ZBTB20: variants seen among roughly 807,000 people sequenced by gnomAD.
ZBTB20 encodes zinc finger and BTB domain-containing protein 20.
ZBTB20 carries 9 observed loss-of-function variants against 56.9 expected under a neutral mutation model. The ratio of observed to expected loss-of-function variants is 0.16; its 90% CI spans 0.10 to 0.28. The LOEUF is 0.28. Ranked by LOEUF, ZBTB20 falls within the 10% of genes least tolerant of loss-of-function variation. The pLI, the probability that ZBTB20 is intolerant of heterozygous loss-of-function variation, is 1.00. For missense variants in ZBTB20, 655 were observed against 1,003.0 expected, an observed-to-expected ratio of 0.65 and a Z score of 4.69; for synonymous variants, 417 against 420.7, an observed-to-expected ratio of 0.99 and a Z score of 0.11.
At chr3:114,589,178 T>C (rs1225952836) in intron 6 of ZBTB20, among the ~76,000 whole-genome samples, 1 of 152,194 alleles carries the variant, frequency 6.6e-6, no homozygotes, top group African/African-American at 2.4e-5. Context: ...ATAATCTATC[T>C]TTCTAAAATC....
intron 2 of ZBTB20, among the ~76,000 whole-genome samples, chr3:115,050,209 T>C (rs1177420193): frequency 6.6e-6 from 1 of 152,062 alleles, no homozygotes; most frequent in East Asian, 1.9e-4. Context: ...ACGAATTTTA[T>C]AAATGTATGT....
chr3:114,441,849 T>A (rs530447080), intron 7 of ZBTB20, among the ~76,000 whole-genome samples: 2 of 152,072 alleles, frequency 1.3e-5, no homozygotes, highest in Non-Finnish European at 2.9e-5. Flanking sequence ...TGTAACTCCC[T>A]TTCCCCTAAC....
At chr3:115,110,525 T>C (rs2083846969) in intron 1 of ZBTB20, among the ~76,000 whole-genome samples, 1 of 152,238 alleles carries the variant, frequency 6.6e-6, no homozygotes, top group Non-Finnish European at 1.5e-5. Context: ...CTTTACAGTA[T>C]ATACATTCAG....
chr3:115,084,964 G>A (rs2082932038), intron 1 of ZBTB20, among the ~76,000 whole-genome samples: 2 of 151,920 alleles, frequency 1.3e-5, no homozygotes, highest in African/African-American at 4.8e-5. Flanking sequence ...ACGCTTTCCT[G>A]TTTTGTTTTG....
chr3:114,477,983 T>C (rs576167693), intron 7 of ZBTB20, among the ~76,000 whole-genome samples: 64 of 136,776 alleles, frequency 4.7e-4, no homozygotes, highest in African/African-American at 4.2e-4. Flanking sequence ...CTCTCTCTCT[T>C]TCTTTCTTTT....
chr3:114,667,258 G>A (rs1313217781), intron 6 of ZBTB20, among the ~76,000 whole-genome samples: 1 of 151,948 alleles, frequency 6.6e-6, no homozygotes, highest in Non-Finnish European at 1.5e-5. Flanking sequence ...ATGATAAACA[G>A]AGCACATCTG....
At chr3:114,990,895 A>T (rs182234029) in intron 2 of ZBTB20, among the ~76,000 whole-genome samples, 2 of 152,154 alleles carry the variant, frequency 1.3e-5, no homozygotes, top group East Asian at 3.9e-4. Context: ...ATTTGCATAG[A>T]GGTGTTTATA....
chr3:114,633,109 T>C (rs1462330774), intron 6 of ZBTB20, among the ~76,000 whole-genome samples: 1 of 152,144 alleles, frequency 6.6e-6, no homozygotes, highest in Non-Finnish European at 1.5e-5. Context: ...TAAAAAGAAG[T>C]ATATTTGTTC....
intron 7 of ZBTB20, among the ~76,000 whole-genome samples, chr3:114,426,251 A>G (rs574987650): frequency 1.7e-4 from 26 of 149,124 alleles, no homozygotes; most frequent in Middle Eastern, 3.5e-3. Flanking sequence ...AGGCAGGAGA[A>G]TGGCGTGAAC....
chr3:114,898,664 G>A (rs1455095913), intron 4 of ZBTB20, among the ~76,000 whole-genome samples: 3 of 152,050 alleles, frequency 2.0e-5, no homozygotes, highest in African/African-American at 7.2e-5. Context: ...AGAGGCTGTG[G>A]CAATCCTCTA....
At chr3:114,500,783 C>CATTT (rs1326948399) in intron 6 of ZBTB20, among the ~76,000 whole-genome samples, 6 of 152,152 alleles carry the variant, frequency 3.9e-5, no homozygotes, top group Non-Finnish European at 7.4e-5. Flanking sequence ...AAAAGCTAAA[C>CATTT]ATTTAGTTCC....
chr3:114,764,251 C>CTTTTTTT (rs56175916), intron 5 of ZBTB20, among the ~76,000 whole-genome samples: 1 of 120,574 alleles, frequency 8.3e-6, no homozygotes. Context: ...CTCTCTCTCT[C>CTTTTTTT]TTTTTTTTTT....
At chr3:115,080,678 C>A (rs908484267) in intron 1 of ZBTB20, among the ~76,000 whole-genome samples, 2 of 152,114 alleles carry the variant, frequency 1.3e-5, no homozygotes, top group African/African-American at 4.8e-5. Context: ...AAAACAGATT[C>A]TTGGATAAAA....
chr3:114,422,340 C>A (rs2108830457), intron 7 of ZBTB20, among the ~76,000 whole-genome samples: 1 of 152,304 alleles, frequency 6.6e-6, no homozygotes, highest in East Asian at 1.9e-4. Context: ...TGTCAAAGAT[C>A]TACAAACCTT....
chr3:114,970,046 T>A (rs1438965570), intron 3 of ZBTB20, among the ~76,000 whole-genome samples: 1 of 152,240 alleles, frequency 6.6e-6, no homozygotes, highest in South Asian at 2.1e-4. Context: ...GTAAGTGTTT[T>A]TGTCATTCCG....
At chr3:114,520,913 G>C (rs1466911206) in intron 6 of ZBTB20, among the ~76,000 whole-genome samples, 1 of 152,058 alleles carries the variant, frequency 6.6e-6, no homozygotes, top group Non-Finnish European at 1.5e-5. Flanking sequence ...TCCATACCTA[G>C]GAAGAATCAT....
intron 5 of ZBTB20, among the ~76,000 whole-genome samples, chr3:114,799,267 G>A (rs2071547630): frequency 6.6e-6 from 1 of 151,930 alleles, no homozygotes; most frequent in South Asian, 2.1e-4. Context: ...ATTCTAGTGT[G>A]TGGGATATAA....
intron 4 of ZBTB20, among the ~76,000 whole-genome samples, chr3:114,803,978 A>G (rs765006578): frequency 6.6e-6 from 1 of 151,942 alleles, no homozygotes; most frequent in African/African-American, 2.4e-5. Context: ...TTTAATTGGA[A>G]GAAAACTATG....
At chr3:114,974,565 A>G (rs114618583) in intron 2 of ZBTB20, 149 bp from the exon 3 acceptor site, 1 of 152,210 alleles carries the variant, frequency 6.6e-6, no homozygotes, top group Non-Finnish European at 1.5e-5. Context: ...ACACATTCAT[A>G]TGTGTACAAG....
Sources: allele counts gnomAD v4.1 joint callset (sites outside exome capture counted in the v4.1 genomes callset), GRCh38; gene constraint gnomAD v4.1.1; transcripts MANE v1.5; gene names NCBI Gene and HGNC (gene_info 2026-07-23, HGNC 2026-07-21).